Variants in STX8 observed in about 807,000 individuals in gnomAD.
The protein encoded by STX8 is syntaxin 8, also known as syntaxin-8.
A neutral mutation model predicts 37.5 loss-of-function variants in STX8; 23 were observed. The observed-to-expected ratio is 0.61, with a 90% confidence interval of 0.44 to 0.87. STX8 has a LOEUF of 0.87. STX8 is among the 40% of genes least tolerant of loss of function. The pLI, the probability that STX8 is intolerant of heterozygous loss-of-function variation, is 0.00. For missense variants in STX8, 313 were observed against 284.7 expected, an observed-to-expected ratio of 1.10 and a Z score of -0.71; for synonymous variants, 115 against 99.1, an observed-to-expected ratio of 1.16 and a Z score of -0.95.
rs996988443 is a variant in STX8, at chr17:9,259,140, T to C, written c.644-8495A>G. ...GACTTCTAATCTGCCACTGGTATAC[T>C]ATGACACGTTGGGAAAGTTTAACTC... On this transcript the variant is annotated intron_variant, in intron 7 of 7. Transcript: ENST00000306357. Among the ~76,000 whole-genome samples, 58 of 152,330 alleles carry C rather than the reference T, an allele frequency of 3.8e-4. 1 individual carries two copies. Among genetic ancestry groups the C allele is most frequent in the African/African-American group, 1.3e-3 (55 of 41,566 alleles).
intron 7 of STX8, among the ~76,000 whole-genome samples, chr17:9,266,608 C>T (rs943663885): frequency 6.6e-6 from 1 of 152,046 alleles, no homozygotes; most frequent in Admixed American, 6.6e-5. Flanking sequence ...CAGGTAAATG[C>T]ATTTCCAGTA....
intron 4 of STX8, among the ~76,000 whole-genome samples, chr17:9,537,555 C>T (rs551328631): frequency 1.0e-5 from 1 of 98,962 alleles, no homozygotes; most frequent in East Asian, 3.1e-4. Context: ...GGTTTGTTAA[C>T]ACAGTCTATC....
At chr17:9,292,555 C>T (rs757769541) in intron 7 of STX8, among the ~76,000 whole-genome samples, 26 of 152,226 alleles carry the variant, frequency 1.7e-4, no homozygotes, top group Non-Finnish European at 3.1e-4. Flanking sequence ...TCATATTTCT[C>T]CAGCTACCTG....
chr17:9,327,190 GAA>G (rs1491456625), intron 7 of STX8, among the ~76,000 whole-genome samples: 106 of 149,078 alleles, frequency 7.1e-4, no homozygotes, highest in African/African-American at 2.5e-3. Context: ...GAAGGAAGAA[GAA>G]GGAAGAAGGA....
At chr17:9,413,817 G>GA (rs1349590973) in intron 6 of STX8, among the ~76,000 whole-genome samples, 2 of 152,142 alleles carry the variant, frequency 1.3e-5, no homozygotes, top group East Asian at 1.9e-4. Flanking sequence ...TACCTCAACG[G>GA]AAAAAAACTT....
chr17:9,530,692 T>C (rs1374451994), intron 4 of STX8, among the ~76,000 whole-genome samples: 1 of 152,278 alleles, frequency 6.6e-6, no homozygotes, highest in African/African-American at 2.4e-5. Flanking sequence ...ATAGGGATTC[T>C]TCATATATCC....
At chr17:9,405,972 T>C (rs60694085) in intron 6 of STX8, among the ~76,000 whole-genome samples, 88,585 of 152,074 alleles carry the variant, frequency 0.58, 26,579 homozygotes, top group East Asian at 0.78. Flanking sequence ...TGTATAGATA[T>C]GCCTTTCTTA....
At chr17:9,306,067 T>C (rs1405702774) in intron 7 of STX8, among the ~76,000 whole-genome samples, 1 of 152,060 alleles carries the variant, frequency 6.6e-6, no homozygotes, top group African/African-American at 2.4e-5. Flanking sequence ...TTAAAATCCT[T>C]TATGTTGTAC....
intron 6 of STX8, among the ~76,000 whole-genome samples, chr17:9,402,575 A>C (rs758538105): frequency 6.6e-6 from 1 of 152,214 alleles, no homozygotes; most frequent in African/African-American, 2.4e-5. Flanking sequence ...CCCACTCATT[A>C]AACAATTGCT....
chr17:9,496,908 C>A (rs1019081697), intron 5 of STX8, among the ~76,000 whole-genome samples: 1 of 152,184 alleles, frequency 6.6e-6, no homozygotes, highest in Non-Finnish European at 1.5e-5. Context: ...AAGCTAACTG[C>A]TTGATCTGAG....
intron 7 of STX8, among the ~76,000 whole-genome samples, chr17:9,321,047 A>G (rs1398762386): frequency 2.0e-5 from 3 of 152,160 alleles, no homozygotes; most frequent in Non-Finnish European, 4.4e-5. Flanking sequence ...GGTAGAAGAA[A>G]GGTGAGATGG....
chr17:9,515,162 ACT>A (rs1905127371), intron 4 of STX8, among the ~76,000 whole-genome samples: 1 of 152,200 alleles, frequency 6.6e-6, no homozygotes, highest in Admixed American at 6.5e-5. Context: ...ATGTGTGCAA[ACT>A]GTCTAATGTC....
chr17:9,362,315 ACT>A (rs1183919809), intron 7 of STX8, among the ~76,000 whole-genome samples: 1 of 152,028 alleles, frequency 6.6e-6, no homozygotes, highest in Admixed American at 6.6e-5. Flanking sequence ...ACAGTGTGAG[ACT>A]CTGTCTCAAC....
At chr17:9,521,040 A>C (rs940542177) in intron 4 of STX8, among the ~76,000 whole-genome samples, 1 of 152,218 alleles carries the variant, frequency 6.6e-6, no homozygotes, top group East Asian at 1.9e-4. Context: ...ATAAAAGGGT[A>C]ATTCCTTTTT....
chr17:9,431,748 G>C (rs1045927312), intron 6 of STX8, among the ~76,000 whole-genome samples: 2 of 152,160 alleles, frequency 1.3e-5, no homozygotes, highest in Non-Finnish European at 2.9e-5. Flanking sequence ...CAACAACATA[G>C]TGCCAAACGT....
intron 6 of STX8, among the ~76,000 whole-genome samples, chr17:9,389,421 G>A (rs1408782299): frequency 6.6e-6 from 1 of 152,238 alleles, no homozygotes; most frequent in Non-Finnish European, 1.5e-5. Flanking sequence ...TTGGTTTCAC[G>A]AAGGAGCTTA....
At chr17:9,339,609 G>C (rs542244103) in intron 7 of STX8, among the ~76,000 whole-genome samples, 1 of 151,828 alleles carries the variant, frequency 6.6e-6, no homozygotes, top group African/African-American at 2.4e-5. Context: ...AGCCGAGATC[G>C]CGCCACTGCG....
chr17:9,284,386 C>T (rs1199187195), intron 7 of STX8, among the ~76,000 whole-genome samples: 1 of 152,212 alleles, frequency 6.6e-6, no homozygotes, highest in Non-Finnish European at 1.5e-5. Context: ...AGGTTTAACT[C>T]TGATCGTCTT....
intron 6 of STX8, among the ~76,000 whole-genome samples, chr17:9,425,552 C>T (rs967725127): frequency 6.6e-6 from 1 of 152,084 alleles, no homozygotes; most frequent in Non-Finnish European, 1.5e-5. Flanking sequence ...GAGCACGACA[C>T]GGACTTTAAA....
Sources: allele counts gnomAD v4.1 joint callset (sites outside exome capture counted in the v4.1 genomes callset), GRCh38; gene constraint gnomAD v4.1.1; transcripts MANE v1.5; gene names NCBI Gene and HGNC (gene_info 2026-07-23, HGNC 2026-07-21).